Variants in ACTMAP observed in about 807,000 individuals in gnomAD.
The protein encoded by ACTMAP is UPF0692 protein C19orf54.
At chr19:40,742,567 T>A in the ACTMAP span, 1 of 1,603,434 alleles carries the variant, frequency 6.2e-7, no homozygotes. Context: ...TGCAGGTTGC[T>A]CTCCCGGACC....
chr19:40,741,486 A>G, the ACTMAP span: 1 of 303,710 alleles, frequency 3.3e-6, no homozygotes, highest in Non-Finnish European at 6.6e-6. Context: ...CCTAAATGAG[A>G]TGGGCTCAGT....
chr19:40,749,403 A>ACC, the ACTMAP span: 1 of 1,390,112 alleles, frequency 7.2e-7, no homozygotes. Flanking sequence ...AGGACACGGG[A>ACC]ACCCCCCCCC....
chr19:40,741,733 C>T, the ACTMAP span: 1 of 456,702 alleles, frequency 2.2e-6, no homozygotes, highest in Non-Finnish European at 4.4e-6. Flanking sequence ...GCCAGTGATT[C>T]CACTTCTCCA....
At chr19:40,749,523 C>T in the ACTMAP span, 2 of 1,551,068 alleles carry the variant, frequency 1.3e-6, no homozygotes, top group Non-Finnish European at 8.7e-7. Context: ...ATCTTCTCTG[C>T]CCTTGGGGAC....
At chr19:40,744,946 G>A in the ACTMAP span, 510 of 819,346 alleles carry the variant, frequency 6.2e-4, 7 homozygotes, top group South Asian at 7.8e-3. Context: ...TTCATTCCTC[G>A]CATGTCCCAA....
chr19:40,745,118 C>T, the ACTMAP span: 1 of 1,551,886 alleles, frequency 6.4e-7, no homozygotes, highest in East Asian at 2.4e-5. Context: ...GTTCCCGCAT[C>T]AGGGCACATA....
chr19:40,744,330 A>C, the ACTMAP span: 1 of 1,390,852 alleles, frequency 7.2e-7, no homozygotes, highest in South Asian at 1.5e-5. Flanking sequence ...ATGAGGCACA[A>C]AGAGCGTGAG....
At chr19:40,744,160 C>A in the ACTMAP span, 2 of 1,603,902 alleles carry the variant, frequency 1.2e-6, no homozygotes, top group East Asian at 4.5e-5. Flanking sequence ...GGCCTGGCAG[C>A]CCAGCACCTC....
chr19:40,747,820 C>T, the ACTMAP span, among the ~76,000 whole-genome samples: 1 of 152,060 alleles, frequency 6.6e-6, no homozygotes, highest in East Asian at 1.9e-4. Flanking sequence ...GAGCTGTGAT[C>T]CAGCTACTGC....
At chr19:40,746,804 C>G in the ACTMAP span, among the ~76,000 whole-genome samples, 2 of 152,056 alleles carry the variant, frequency 1.3e-5, no homozygotes, top group African/African-American at 4.8e-5. Flanking sequence ...AGCCACCATG[C>G]CCGGCCTCCT....
At chr19:40,741,785 C>A in the ACTMAP span, 1 of 456,660 alleles carries the variant, frequency 2.2e-6, no homozygotes. Flanking sequence ...CCATCTAGCA[C>A]CCCCCTTACA....
the ACTMAP span, chr19:40,749,717 A>C: frequency 6.6e-7 from 1 of 1,513,470 alleles, no homozygotes; most frequent in Non-Finnish European, 8.8e-7. Flanking sequence ...GGGGTAGAGG[A>C]GGAGATGGAA....
chr19:40,744,165 C>G, the ACTMAP span: 92 of 1,601,544 alleles, frequency 5.7e-5, no homozygotes, highest in Middle Eastern at 3.9e-4. Flanking sequence ...GGCAGCCCAG[C>G]ACCTCCTGGG....
At chr19:40,744,275 C>A in the ACTMAP span, 2 of 1,457,110 alleles carry the variant, frequency 1.4e-6, no homozygotes, top group Non-Finnish European at 1.8e-6. Context: ...GGCGATGCTT[C>A]CAACCCTCAC....
At chr19:40,749,619 G>C in the ACTMAP span, 1 of 1,550,342 alleles carries the variant, frequency 6.5e-7, no homozygotes, top group Admixed American at 2.0e-5. Context: ...TGTGGCAGCG[G>C]GTGGAGGAGG....
chr19:40,744,593 T>C, the ACTMAP span: 1 of 1,613,686 alleles, frequency 6.2e-7, no homozygotes, highest in Non-Finnish European at 8.5e-7. Context: ...TGTAGCCTCT[T>C]TCCGTGGCCA....
At chr19:40,743,602 C>T in the ACTMAP span, among the ~76,000 whole-genome samples, 9 of 152,278 alleles carry the variant, frequency 5.9e-5, 1 homozygote, top group South Asian at 1.0e-3. Context: ...CTGTTACCCC[C>T]AATTTCCAGA....
chr19:40,742,016 ACACTT>A, the ACTMAP span: 1 of 457,528 alleles, frequency 2.2e-6, no homozygotes, highest in Non-Finnish European at 4.4e-6. Flanking sequence ...GATTTGAACA[ACACTT>A]CAGGGATCTA....
chr19:40,746,549 G>A, the ACTMAP span, among the ~76,000 whole-genome samples: 6 of 151,976 alleles, frequency 3.9e-5, no homozygotes, highest in Non-Finnish European at 8.8e-5. Context: ...CTAATTTTTT[G>A]TATTTTTAGT....
Sources: allele counts gnomAD v4.1 joint callset (sites outside exome capture counted in the v4.1 genomes callset), GRCh38; gene constraint gnomAD v4.1.1; transcripts MANE v1.5; gene names NCBI Gene and HGNC (gene_info 2026-07-23, HGNC 2026-07-21).